ARHGAP15: variants seen among roughly 807,000 people sequenced by gnomAD.
ARHGAP15 encodes the protein Rho GTPase activating protein 15, also known as rho GTPase-activating protein 15.
A neutral mutation model predicts 63.7 loss-of-function variants in ARHGAP15; 51 were observed. The ratio of observed to expected loss-of-function variants is 0.80; its 90% CI spans 0.64 to 1.01. The LOEUF (loss-of-function observed/expected upper bound fraction) is 1.01. ARHGAP15 is among the 50% of genes least tolerant of loss of function. ARHGAP15 has a pLI of 0.00. For synonymous variants in ARHGAP15, 191 were observed against 193.8 expected (o/e 0.99, Z 0.12); for missense variants, 560 against 564.6 (o/e 0.99, Z 0.08).
At chr2:143,129,570 C>T (rs1006910912) in intron 1 of ARHGAP15, 104 bp downstream of exon 1, 6 of 152,144 alleles carry the variant, frequency 3.9e-5, no homozygotes, top group East Asian at 1.9e-4. Context: ...CAAAATATGA[C>T]GCTTTTACCT....
chr2:143,731,032 G>C (rs568041706), intron 13 of ARHGAP15, among the ~76,000 whole-genome samples: 2 of 143,484 alleles, frequency 1.4e-5, no homozygotes, highest in Non-Finnish European at 3.0e-5. Flanking sequence ...AGCAGCAATA[G>C]AGAGTAATAG....
intron 11 of ARHGAP15, among the ~76,000 whole-genome samples, chr2:143,615,421 A>G (rs1051334688): frequency 2.0e-5 from 3 of 152,216 alleles, no homozygotes; most frequent in African/African-American, 4.8e-5. Flanking sequence ...AGTAAGGGGA[A>G]TGATAAAAGC....
In ARHGAP15 at chr2:143,153,381, T is replaced by A. The variant is rs369486813; in HGVS notation, c.-14-2096T>A. Among the ~76,000 whole-genome samples the A allele has an allele frequency of 1.0e-3, 153 of 152,056 alleles. 7 individuals are homozygous for A. In the South Asian group the frequency reaches 0.029, roughly 29 times the overall value. On this transcript the variant is annotated intron_variant, in intron 1 of 13. Coordinates refer to ENST00000295095, the MANE Select transcript of ARHGAP15 (RefSeq NM_018460.4). ...CTTAATACATACTTCAAATTTTTATTTCATACTTATTGAAAAAAACTCTTG... is the reference window on the plus strand; with the variant it reads ...CTTAATACATACTTCAAATTTTTATATCATACTTATTGAAAAAAACTCTTG...
intron 1 of ARHGAP15, among the ~76,000 whole-genome samples, chr2:143,132,558 C>T (rs1313761492): frequency 6.6e-6 from 1 of 152,224 alleles, no homozygotes; most frequent in Non-Finnish European, 1.5e-5. Context: ...AATTGGATCA[C>T]ATGACCATAG....
At chr2:143,424,250 A>T (rs921254089) in intron 6 of ARHGAP15, among the ~76,000 whole-genome samples, 3 of 152,148 alleles carry the variant, frequency 2.0e-5, no homozygotes, top group Non-Finnish European at 2.9e-5. Context: ...TTAGGAGTTT[A>T]CTGATGAGTG....
At chr2:143,360,404 G>T (rs1685995673) in intron 6 of ARHGAP15, among the ~76,000 whole-genome samples, 1 of 151,334 alleles carries the variant, frequency 6.6e-6, no homozygotes, top group East Asian at 1.9e-4. Context: ...AAAGAACTTT[G>T]AAAATCACAT....
intron 9 of ARHGAP15, among the ~76,000 whole-genome samples, chr2:143,490,414 C>G (rs1055692377): frequency 6.6e-6 from 1 of 152,098 alleles, no homozygotes; most frequent in Non-Finnish European, 1.5e-5. Flanking sequence ...GCAGGAAGGG[C>G]TAATATTTTA....
At chr2:143,560,927 T>C (rs555523814) in intron 11 of ARHGAP15, among the ~76,000 whole-genome samples, 2 of 152,360 alleles carry the variant, frequency 1.3e-5, no homozygotes, top group South Asian at 2.1e-4. Context: ...AGTGACATTT[T>C]GCTGATACAG....
Position 143,277,694 on chromosome 2 carries a change from A to G in ARHGAP15, c.474+27094A>G, listed in dbSNP as rs996389235. On this transcript the variant is annotated intron_variant, in intron 6 of 13. Coordinates refer to ENST00000295095, the MANE Select transcript of ARHGAP15 (RefSeq NM_018460.4). Reference sequence around the variant, plus strand: ...CAGCTGGATAATCTTTAGATTGATTAGTTTCTAAGCCTGAGGTAAAATGGG... The same window carrying G: ...CAGCTGGATAATCTTTAGATTGATTGGTTTCTAAGCCTGAGGTAAAATGGG... Among the ~76,000 whole-genome samples the G allele has an allele frequency of 2.0e-5, 3 of 152,094 alleles. No individual in the cohort carries two copies. The East Asian group carries it at 5.8e-4, about 29-fold the overall frequency.
chr2:143,199,734 G>A (rs141364004), intron 2 of ARHGAP15, among the ~76,000 whole-genome samples: 2,136 of 152,086 alleles, frequency 0.014, 25 homozygotes, highest in Middle Eastern at 0.02. Context: ...TAGAAAAGAG[G>A]ATACAATTTT....
intron 5 of ARHGAP15, 95 bp downstream of exon 5, chr2:143,228,763 A>G: frequency 1.2e-6 from 1 of 811,508 alleles, no homozygotes; most frequent in Non-Finnish European, 1.8e-6. Context: ...AAAACCTCCA[A>G]GCTACCAACA....
At chr2:143,280,974 A>T (rs892869407) in intron 6 of ARHGAP15, among the ~76,000 whole-genome samples, 1 of 152,196 alleles carries the variant, frequency 6.6e-6, no homozygotes, top group African/African-American at 2.4e-5. Context: ...TTTTTTAGAA[A>T]GTAGTACAGC....
intron 1 of ARHGAP15, among the ~76,000 whole-genome samples, chr2:143,145,032 G>A (rs935770244): frequency 2.0e-5 from 3 of 151,972 alleles, no homozygotes; most frequent in African/African-American, 7.2e-5. Flanking sequence ...GAATATCTGT[G>A]GAAGGTTCAG....
intron 5 of ARHGAP15, among the ~76,000 whole-genome samples, chr2:143,230,567 T>C (rs543309147): frequency 2.0e-5 from 3 of 152,350 alleles, no homozygotes; most frequent in Non-Finnish European, 4.4e-5. Flanking sequence ...TACCAGGCAC[T>C]CATTGTCTTC....
intron 13 of ARHGAP15, among the ~76,000 whole-genome samples, chr2:143,711,507 T>A (rs891335932): frequency 3.3e-5 from 5 of 152,136 alleles, no homozygotes; most frequent in African/African-American, 1.2e-4. Flanking sequence ...AAAGAAATGG[T>A]GAGTCCTCTG....
chr2:143,720,859 G>A (rs1328611784), intron 13 of ARHGAP15, among the ~76,000 whole-genome samples: 1 of 152,004 alleles, frequency 6.6e-6, no homozygotes, highest in Admixed American at 6.6e-5. Flanking sequence ...CACAAGGTCA[G>A]GAGATCAAGA....
At chr2:143,481,795 A>G (rs926316670) in intron 8 of ARHGAP15, among the ~76,000 whole-genome samples, 6 of 152,198 alleles carry the variant, frequency 3.9e-5, no homozygotes, top group Admixed American at 3.3e-4. Flanking sequence ...CATATGTAAT[A>G]CTATTAACTG....
At chr2:143,691,324 A>T (rs1683591996) in intron 12 of ARHGAP15, among the ~76,000 whole-genome samples, 1 of 152,186 alleles carries the variant, frequency 6.6e-6, no homozygotes, top group Admixed American at 6.5e-5. Context: ...GTTTACCATT[A>T]TCCTGGCATC....
intron 8 of ARHGAP15, among the ~76,000 whole-genome samples, chr2:143,443,497 G>C (rs1367895156): frequency 6.6e-6 from 1 of 151,116 alleles, no homozygotes; most frequent in Non-Finnish European, 1.5e-5. Context: ...ACCCTCTTGA[G>C]AAAAATAAAC....
Sources: allele counts gnomAD v4.1 joint callset (sites outside exome capture counted in the v4.1 genomes callset), GRCh38; gene constraint gnomAD v4.1.1; transcripts MANE v1.5; gene names NCBI Gene and HGNC (gene_info 2026-07-23, HGNC 2026-07-21).